The following PARD3 variants were observed in gnomAD, a reference collection of about 807,000 sequenced individuals.
The protein encoded by PARD3 is partitioning defective 3 homolog.
Under a neutral mutation model 155.4 loss-of-function variants are expected in PARD3, and 75 were observed. The ratio of observed to expected loss-of-function variants is 0.48; its 90% CI spans 0.40 to 0.58. The LOEUF (loss-of-function observed/expected upper bound fraction) is 0.58. PARD3 is among the 20% of genes least tolerant of loss of function. PARD3 has a pLI of 0.00. For synonymous variants in PARD3, 576 were observed against 610.5 expected (o/e 0.94, Z 0.83); for missense variants, 1,642 against 1,721.7 (o/e 0.95, Z 0.82).
chr10:34,689,249 C>T (rs1488736494), intron 2 of PARD3, among the ~76,000 whole-genome samples: 3 of 152,182 alleles, frequency 2.0e-5, no homozygotes, highest in Non-Finnish European at 4.4e-5. Flanking sequence ...AAATCAGGAT[C>T]GAATGTCAGA....
intron 7 of PARD3, among the ~76,000 whole-genome samples, chr10:34,390,015 TTTA>T (rs1842732539): frequency 6.6e-6 from 1 of 152,204 alleles, no homozygotes; most frequent in Non-Finnish European, 1.5e-5. Context: ...GTTATAGTTC[TTTA>T]TTATAACAAA....
At chr10:34,237,739 A>G (rs1953328103) in intron 22 of PARD3, among the ~76,000 whole-genome samples, 1 of 152,224 alleles carries the variant, frequency 6.6e-6, no homozygotes, top group Non-Finnish European at 1.5e-5. Context: ...CATTGTTAAA[A>G]TAATAAAGCT....
At chr10:34,335,190 G>A (rs1310810038) in intron 18 of PARD3, among the ~76,000 whole-genome samples, 8 of 151,862 alleles carry the variant, frequency 5.3e-5, no homozygotes, top group Non-Finnish European at 8.8e-5. Flanking sequence ...GTTAACTGCC[G>A]TGCAATACAG....
chr10:34,642,678 T>C (rs1380462115), intron 2 of PARD3, among the ~76,000 whole-genome samples: 2 of 152,030 alleles, frequency 1.3e-5, no homozygotes, highest in Non-Finnish European at 2.9e-5. Flanking sequence ...TGAGGACAGC[T>C]ACCTAGACGG....
chr10:34,677,608 C>A (rs1471002490), intron 2 of PARD3, among the ~76,000 whole-genome samples: 1 of 151,980 alleles, frequency 6.6e-6, no homozygotes, highest in South Asian at 2.1e-4. Context: ...TCCCAAAACA[C>A]ACATCATTCA....
intron 22 of PARD3, among the ~76,000 whole-genome samples, chr10:34,200,329 A>G (rs1304030102): frequency 6.6e-6 from 1 of 150,972 alleles, no homozygotes; most frequent in African/African-American, 2.4e-5. Flanking sequence ...AATAACAGGA[A>G]AAAAAAAATC....
At chr10:34,630,482 T>G (rs984649954) in intron 2 of PARD3, among the ~76,000 whole-genome samples, 4 of 149,688 alleles carry the variant, frequency 2.7e-5, no homozygotes, top group African/African-American at 1.0e-4. Flanking sequence ...AGGGTCTTCC[T>G]CTATTACACA....
At chr10:34,326,125 T>TA (rs979390862) in intron 19 of PARD3, among the ~76,000 whole-genome samples, 2,724 of 108,842 alleles carry the variant, frequency 0.025, 66 homozygotes, top group African/African-American at 0.073. Flanking sequence ...ACACTCTTTC[T>TA]AAAAAAAAAA....
intron 15 of PARD3, chr10:34,344,427 T>G: frequency 4.1e-6 from 2 of 489,558 alleles, no homozygotes; most frequent in Non-Finnish European, 5.3e-6. Context: ...GGACTACGGG[T>G]GTGCAACACA....
At chr10:34,633,483 G>A (rs2092352772) in intron 2 of PARD3, among the ~76,000 whole-genome samples, 1 of 152,148 alleles carries the variant, frequency 6.6e-6, no homozygotes, top group Admixed American at 6.5e-5. Context: ...CTAACACAAT[G>A]TTCTCTAGTT....
chr10:34,467,011 T>C (rs2078048932), intron 4 of PARD3, among the ~76,000 whole-genome samples: 2 of 152,218 alleles, frequency 1.3e-5, no homozygotes, highest in East Asian at 1.9e-4. Flanking sequence ...ATCAAGGCTT[T>C]TCCTATGGGA....
intron 22 of PARD3, among the ~76,000 whole-genome samples, chr10:34,142,434 C>A (rs1948237948): frequency 6.6e-6 from 1 of 151,480 alleles, no homozygotes; most frequent in Non-Finnish European, 1.5e-5. Context: ...ACTTGGAAGG[C>A]TGAAGCAGGA....
chr10:34,226,731 C>T (rs181522642), intron 22 of PARD3, among the ~76,000 whole-genome samples: 84 of 152,232 alleles, frequency 5.5e-4, no homozygotes, highest in African/African-American at 1.8e-3. Flanking sequence ...GGAAATAAAA[C>T]GTGTCCACAG....
chr10:34,432,165 G>A lies in PARD3; in HGVS notation c.714+18152C>T, dbSNP rs1082128. On this transcript the variant is annotated intron_variant, in intron 5 of 24. Transcript: ENST00000374788. The stretch of plus-strand genomic sequence containing the variant: ...TGTTTTGCATGCTTTTAAACTTGCA[G>A]GTGAGGAAATCCAAGTGGCAATTTG... 8.6e-3 allele frequency among the ~76,000 whole-genome samples: 1,307 copies of A among 151,392 alleles called. 20 individuals are homozygous for A. Among genetic ancestry groups the A allele is most frequent in the African/African-American group, 0.03 (1,234 of 41,250 alleles).
At chr10:34,656,832 G>A (rs935824278) in intron 2 of PARD3, among the ~76,000 whole-genome samples, 1 of 152,192 alleles carries the variant, frequency 6.6e-6, no homozygotes, top group Non-Finnish European at 1.5e-5. Flanking sequence ...ACTGCTATCT[G>A]TATTAAGGCC....
chr10:34,145,217 ATATATTTTTT>A (rs1270624978), intron 22 of PARD3, among the ~76,000 whole-genome samples: 4 of 57,964 alleles, frequency 6.9e-5, no homozygotes, highest in African/African-American at 9.4e-5. Flanking sequence ...ATATATATAT[ATATATTTTTT>A]TTTTTTTTTT....
intron 2 of PARD3, among the ~76,000 whole-genome samples, chr10:34,642,758 CACT>C (rs1236227167): frequency 6.6e-6 from 1 of 152,036 alleles, no homozygotes; most frequent in African/African-American, 2.4e-5. Flanking sequence ...CAAATCTGGC[CACT>C]TTGCCCTCTT....
At chr10:34,768,710 G>A in intron 1 of PARD3, among the ~76,000 whole-genome samples, 1 of 152,306 alleles carries the variant, frequency 6.6e-6, no homozygotes, top group South Asian at 2.1e-4. Context: ...AAAAAGAGAA[G>A]GGAAAACTTA....
At chr10:34,281,218 C>T (rs1956142929) in intron 21 of PARD3, among the ~76,000 whole-genome samples, 1 of 152,226 alleles carries the variant, frequency 6.6e-6, no homozygotes, top group African/African-American at 2.4e-5. Context: ...CCAGTAGAGG[C>T]GCTGTCCCTA....
Sources: allele counts gnomAD v4.1 joint callset (sites outside exome capture counted in the v4.1 genomes callset), GRCh38; gene constraint gnomAD v4.1.1; transcripts MANE v1.5; gene names NCBI Gene and HGNC (gene_info 2026-07-23, HGNC 2026-07-21).